The following ANO3 variants were observed in gnomAD, a reference collection of about 807,000 sequenced individuals.
ANO3 encodes the protein anoctamin 3, also known as anoctamin-3.
A neutral mutation model predicts 144.8 loss-of-function variants in ANO3; 99 were observed. That is an observed-to-expected ratio of 0.68 (90% CI 0.58 to 0.81). ANO3 has a LOEUF of 0.81. ANO3 is among the 30% of genes least tolerant of loss of function. ANO3 has a pLI of 0.00. For missense variants in ANO3, 905 were observed against 1,202.2 expected, an observed-to-expected ratio of 0.75 and a Z score of 3.66; for synonymous variants, 414 against 392.6, an observed-to-expected ratio of 1.05 and a Z score of -0.64.
intron 4 of ANO3, among the ~76,000 whole-genome samples, chr11:26,506,862 C>T (rs916223453): frequency 2.0e-5 from 3 of 152,184 alleles, no homozygotes; most frequent in African/African-American, 7.2e-5. Context: ...CTCTGGTCCT[C>T]ACTTCTTTCA....
intron 1 of ANO3, among the ~76,000 whole-genome samples, chr11:26,244,013 A>C (rs2133813355): frequency 6.6e-6 from 1 of 151,790 alleles, no homozygotes; most frequent in East Asian, 1.9e-4. Flanking sequence ...GCTACTCAAC[A>C]GGCTGAGGCA....
At chr11:26,448,684 AC>A (rs1858801262) in intron 3 of ANO3, among the ~76,000 whole-genome samples, 1 of 152,180 alleles carries the variant, frequency 6.6e-6, no homozygotes, top group Admixed American at 6.5e-5. Context: ...TTCCTAAGCT[AC>A]TTAAGATTAC....
intron 4 of ANO3, among the ~76,000 whole-genome samples, chr11:26,498,450 T>C (rs562517305): frequency 6.6e-6 from 1 of 151,434 alleles, no homozygotes; most frequent in South Asian, 2.1e-4. Flanking sequence ...CATTATTTAC[T>C]CCCAAATTCA....
At chr11:26,271,214 T>G (rs1853432312) in intron 1 of ANO3, among the ~76,000 whole-genome samples, 1 of 152,218 alleles carries the variant, frequency 6.6e-6, no homozygotes, top group Non-Finnish European at 1.5e-5. Flanking sequence ...GTGATTCCAG[T>G]AAGAAATGTG....
chr11:26,598,901 A>G lies in ANO3; in HGVS notation c.1574A>G (p.Glu525Gly), dbSNP rs1243247461. 1.2e-6 allele frequency: 2 copies of G among 1,613,946 alleles called. No homozygotes were observed. Among genetic ancestry groups the G allele is most frequent in the South Asian group, 1.1e-5 (1 of 91,052 alleles). The change falls in exon 16 of 27, where the codon GAG becomes GGG. Residue 525 changes from glutamate (E) to glycine (G), a missense_variant. Around this residue, in one of 4 missense-constraint regions of ANO3, gnomAD observed 597 missense variants for 865.1 expected, o/e 0.69. Transcript: ENST00000256737. ...PQFEAKYYKM[E>G]IVNPITGKPE... ...TTTGAAGCCAAGTATTACAAGATGG[A>G]GATTGTAAATCCCATCACGGGAAAA... is the stretch of plus-strand genomic sequence containing the variant.
At chr11:26,537,332 G>A (rs538922699) in intron 9 of ANO3, 74 bp from the exon 10 acceptor site, 45 of 1,164,330 alleles carry the variant, frequency 3.9e-5, no homozygotes, top group East Asian at 9.3e-5. Flanking sequence ...ATTGTTCCCC[G>A]TATATTTCTG....
chr11:26,499,729 G>T (rs531404187), intron 4 of ANO3, among the ~76,000 whole-genome samples: 2 of 151,714 alleles, frequency 1.3e-5, no homozygotes, highest in East Asian at 1.9e-4. Context: ...TCCTATGTTA[G>T]CTTCTGTAAG....
chr11:26,484,342 C>T (rs1354077745), intron 4 of ANO3, among the ~76,000 whole-genome samples: 1 of 152,090 alleles, frequency 6.6e-6, no homozygotes, highest in Non-Finnish European at 1.5e-5. Context: ...GACACTGCTC[C>T]CTGCATCCCA....
intron 1 of ANO3, among the ~76,000 whole-genome samples, chr11:26,194,837 A>T (rs997352644): frequency 2.6e-5 from 4 of 152,090 alleles, no homozygotes; most frequent in African/African-American, 9.7e-5. Flanking sequence ...AAGTGCTGGG[A>T]TTACAAGTGT....
At chr11:26,193,235 G>A (rs35313719) in intron 1 of ANO3, among the ~76,000 whole-genome samples, 34,444 of 147,904 alleles carry the variant, frequency 0.23, 4,723 homozygotes, top group Non-Finnish European at 0.29. Context: ...TCCACCTCCC[G>A]GGTTCAAGCG....
intron 1 of ANO3, among the ~76,000 whole-genome samples, chr11:26,250,538 A>G (rs1852903959): frequency 6.6e-6 from 1 of 152,082 alleles, no homozygotes; most frequent in Non-Finnish European, 1.5e-5. Context: ...TTTATGCCAA[A>G]ATTTCTGTTG....
At chr11:26,345,512 A>G (rs187032283) in intron 1 of ANO3, among the ~76,000 whole-genome samples, 49 of 152,350 alleles carry the variant, frequency 3.2e-4, no homozygotes, top group African/African-American at 1.1e-3. Context: ...AGATCATGCC[A>G]TTGAACTCCA....
intron 4 of ANO3, among the ~76,000 whole-genome samples, chr11:26,499,726 T>C (rs1590421858): frequency 1.3e-5 from 2 of 152,042 alleles, no homozygotes; most frequent in Admixed American, 1.3e-4. Flanking sequence ...AATTCCTATG[T>C]TAGCTTCTGT....
chr11:26,257,372 A>G (rs1029091087), intron 1 of ANO3, among the ~76,000 whole-genome samples: 1 of 152,050 alleles, frequency 6.6e-6, no homozygotes, highest in Admixed American at 6.6e-5. Context: ...CATAAGCTAA[A>G]TTCAGGTGTT....
upstream of ANO3, among the ~76,000 whole-genome samples, chr11:26,306,125 A>ATTTTTTTTTTTTTTTTTT (rs57674074): frequency 8.8e-6 from 1 of 113,024 alleles, no homozygotes; most frequent in Non-Finnish European, 1.9e-5. Flanking sequence ...AGCCCGGATA[A>ATTTTTTTTTTTTTTTTTT]TTTTTTTTTT....
chr11:26,281,919 T>G (rs61537731), intron 1 of ANO3, among the ~76,000 whole-genome samples: 12 of 152,130 alleles, frequency 7.9e-5, no homozygotes, highest in African/African-American at 2.9e-4. Context: ...TATGAAGACA[T>G]GCAGTTCGTC....
intron 3 of ANO3, among the ~76,000 whole-genome samples, chr11:26,451,704 TTC>T (rs1435413733): frequency 6.6e-6 from 1 of 152,108 alleles, no homozygotes; most frequent in African/African-American, 2.4e-5. Context: ...GACTTAAATG[TTC>T]CTGTCTGACA....
intron 3 of ANO3, among the ~76,000 whole-genome samples, chr11:26,459,342 A>G (rs182256068): frequency 6.6e-6 from 1 of 152,258 alleles, no homozygotes; most frequent in East Asian, 1.9e-4. Flanking sequence ...TGGTAGGAGG[A>G]AAAGATGGAT....
At chr11:26,646,068 C>G (rs968333910) in intron 23 of ANO3, among the ~76,000 whole-genome samples, 2 of 152,148 alleles carry the variant, frequency 1.3e-5, no homozygotes, top group African/African-American at 4.8e-5. Flanking sequence ...TATTTCTCTT[C>G]TACCTCAGGG....
Sources: allele counts gnomAD v4.1 joint callset (sites outside exome capture counted in the v4.1 genomes callset), GRCh38; gene constraint gnomAD v4.1.1; regional missense constraint gnomAD v4.1.1; transcripts MANE v1.5; gene names NCBI Gene and HGNC (gene_info 2026-07-23, HGNC 2026-07-21).